LRP2: variants seen among roughly 807,000 people sequenced by gnomAD.
The protein encoded by LRP2 is low-density lipoprotein receptor-related protein 2.
LRP2 carries 172 observed loss-of-function variants against 531.0 expected under a neutral mutation model. The ratio of observed to expected loss-of-function variants is 0.32; its 90% CI spans 0.29 to 0.37. The LOEUF (loss-of-function observed/expected upper bound fraction) is 0.37. LRP2 is among the 10% of genes least tolerant of loss of function. The pLI is 1.00. For synonymous variants in LRP2, 1,992 were observed against 2,027.6 expected, an observed-to-expected ratio of 0.98 and a Z score of 0.47; for missense variants, 5,167 against 5,868.3, an observed-to-expected ratio of 0.88 and a Z score of 3.90.
intron 48 of LRP2, among the ~76,000 whole-genome samples, chr2:169,190,413 A>G (rs1045093816): frequency 2.6e-5 from 4 of 152,184 alleles, no homozygotes; most frequent in African/African-American, 9.7e-5. Flanking sequence ...GCATTTATCT[A>G]CTTTTTAAAT....
At position 169,220,329 on chromosome 2, in the gene LRP2, A is replaced by G. The variant is rs1256822191; in HGVS notation, c.5648+125T>C. On this transcript the variant is annotated intron_variant, in intron 34 of 78. Transcript: ENST00000649046. ...TTTCTCTTTCTCACTGAGATCTATT[A>G]TTTTTCAAATGTTGACATATGAAAT... is the stretch of plus-strand genomic sequence containing the variant. The G allele has an allele frequency of 5.4e-6, 4 of 740,472 alleles. No homozygotes were observed. In the East Asian group the frequency reaches 1.0e-4, roughly 19 times the overall value. The allele number at this position is 740,472 out of a possible 1,614,324, so 45.9% of individuals were successfully genotyped here.
chr2:169,281,363 A>G (rs1559055219), intron 10 of LRP2, among the ~76,000 whole-genome samples: 1 of 152,212 alleles, frequency 6.6e-6, no homozygotes, highest in Non-Finnish European at 1.5e-5. Flanking sequence ...CGGAGATTGC[A>G]GTGAGGCAAG....
chr2:169,272,909 C>T lies in LRP2; in HGVS notation c.2116+18G>A, dbSNP rs1404489898. 6.2e-7 allele frequency: 1 copy of T among 1,613,476 alleles called. No homozygotes were observed. Among genetic ancestry groups the T allele is most frequent in the Admixed American group, 1.7e-5 (1 of 59,972 alleles). ...CACCTGTGTCACCTGCCAACAACGT[C>T]CAAAACAGACTTCTTACCAATGCAG... On this transcript the variant is annotated intron_variant, in intron 15 of 78. Coordinates refer to ENST00000649046, the MANE Select transcript of LRP2 (RefSeq NM_004525.3).
intron 16 of LRP2, among the ~76,000 whole-genome samples, chr2:169,260,405 G>C (rs1690498028): frequency 6.6e-6 from 1 of 152,022 alleles, no homozygotes; most frequent in African/African-American, 2.4e-5. Flanking sequence ...AATGATAGAG[G>C]CTAAAAGAGA....
At chr2:169,257,749 G>C (rs777781129) in intron 17 of LRP2, among the ~76,000 whole-genome samples, 10 of 148,138 alleles carry the variant, frequency 6.8e-5, no homozygotes, top group Non-Finnish European at 3.0e-5. Flanking sequence ...AATGCAAACA[G>C]TATCTGACCC....
In LRP2 at chr2:169,239,623, A is replaced by G. The variant is rs1229516981; in HGVS notation, c.4198T>C (p.Cys1400Arg). ...CTCATATTGTAACAGTGCTGGCTAC[A>G]AGAGCCTAGAATATCACATTCATCT... ...DIDECDILGS[C>R]SQHCYNMRGS... Residue 1400 changes from cysteine to arginine, a missense_variant, in exon 26 of 79, where the codon TGT (cysteine) becomes CGT (arginine). Transcript: ENST00000649046. The G allele has an allele frequency of 6.2e-7, 1 of 1,614,036 alleles. No individual in the cohort carries two copies. The highest frequency in any genetic ancestry group is 8.5e-7 in the Non-Finnish European group (1 of 1,179,974).
At position 169,173,091 on chromosome 2, in the gene LRP2, C is replaced by G; in HGVS notation, c.11143+5G>C. On this transcript the variant is annotated splice_donor_5th_base_variant and intron_variant, in intron 57 of 78. Coordinates refer to ENST00000649046, the MANE Select transcript of LRP2 (RefSeq NM_004525.3). The stretch of plus-strand genomic sequence containing the variant: ...CTCCCTCCACTCCCCTGTGGCCCCT[C>G]CTACCACAGCCTTGCTCATCACTGT... 1.2e-6 allele frequency: 2 copies of G among 1,614,204 alleles called. No individual in the cohort carries two copies. The highest frequency in any genetic ancestry group is 1.7e-6 in the Non-Finnish European group (2 of 1,180,040).
chr2:169,158,212 C>CTATG (rs1219855358), intron 63 of LRP2, among the ~76,000 whole-genome samples: 1 of 151,860 alleles, frequency 6.6e-6, no homozygotes, highest in East Asian at 1.9e-4. Context: ...AAATTTTGTA[C>CTATG]TATGTATGTA....
At chr2:169,166,229 C>G (rs1686778116) in intron 61 of LRP2, among the ~76,000 whole-genome samples, 175 bp from the exon 62 acceptor site, 2 of 152,324 alleles carry the variant, frequency 1.3e-5, no homozygotes, top group South Asian at 4.1e-4. Flanking sequence ...AGGCACTGTG[C>G]TAGGCAGTAG....
chr2:169,279,374 A>G lies in LRP2; in HGVS notation c.1563T>C (p.Val521=). 6.2e-7 allele frequency: 1 copy of G among 1,612,108 alleles called. No individual in the cohort carries two copies. Among genetic ancestry groups the G allele is most frequent in the East Asian group, 2.2e-5 (1 of 44,856 alleles). Residue 521 remains valine (V), a splice_region_variant and synonymous_variant, in exon 12 of 79, where the codon GTT becomes GTC. Coordinates refer to ENST00000649046, the MANE Select transcript of LRP2 (RefSeq NM_004525.3). ...CAATATGTTTTCACATCACTTACCC[A>G]ACAGTTGGGTCCACGGCAATTCCTC... The part of the protein sequence containing the change: ...HPRGIAVDPT[V]GYLFFSDWES...
chr2:169,187,913 G>A, intron 49 of LRP2, 57 bp downstream of exon 49: 2 of 1,566,556 alleles, frequency 1.3e-6, no homozygotes, highest in Non-Finnish European at 1.8e-6. Flanking sequence ...GTGAAGGGTT[G>A]AGAATCCATA....
At chr2:169,161,672 C>T (rs975237433) in intron 63 of LRP2, among the ~76,000 whole-genome samples, 1 of 152,152 alleles carries the variant, frequency 6.6e-6, no homozygotes, top group African/African-American at 2.4e-5. Flanking sequence ...CGGAGTTTCG[C>T]CATGCTGCCC....
At chr2:169,353,889 G>GT (rs1215854276) in intron 1 of LRP2, among the ~76,000 whole-genome samples, 3 of 152,176 alleles carry the variant, frequency 2.0e-5, no homozygotes, top group Admixed American at 6.5e-5. Context: ...TTCTTGTGGG[G>GT]TTAAGCGGAG....
chr2:169,274,443 C>T (rs930780811), intron 14 of LRP2, among the ~76,000 whole-genome samples: 1 of 151,948 alleles, frequency 6.6e-6, no homozygotes, highest in Admixed American at 6.6e-5. Flanking sequence ...GAAAAAATCA[C>T]GTGGTAAAAT....
rs1204958942 is a variant in LRP2, at chr2:169,299,131, GAAAGAAAGAAAGAAAGAAAGAAAGAAAA to G, written c.428-4449_428-4422del. ...AGAAAGAAAGAAAGAAAGAAAGAAA[GAAAGAAAGAAAGAAAGAAAGAAAGAAAA>G]AAAGAAAGAAAGAAAAAGAAAGAAA... On this transcript the variant is annotated intron_variant, in intron 4 of 78. Coordinates refer to ENST00000649046, the MANE Select transcript of LRP2 (RefSeq NM_004525.3). 4.9e-4 allele frequency among the ~76,000 whole-genome samples: 35 copies of G among 72,128 alleles called. 3 individuals carry two copies. Among genetic ancestry groups the G allele is most frequent in the African/African-American group, 1.7e-3 (35 of 20,614 alleles). The allele number at this position is 72,128 out of a possible 152,430, so 47.3% of individuals were successfully genotyped here. A position where few individuals can be genotyped will look rare whatever the true frequency, so the allele number is the denominator to read the frequency against.
At chr2:169,187,293 C>G (rs1687667606) in intron 49 of LRP2, among the ~76,000 whole-genome samples, 1 of 152,132 alleles carries the variant, frequency 6.6e-6, no homozygotes, top group African/African-American at 2.4e-5. Flanking sequence ...AACTACATTA[C>G]ATACTTCTGG....
chr2:169,269,286 G>A (rs1031795884), intron 16 of LRP2, among the ~76,000 whole-genome samples: 10 of 152,218 alleles, frequency 6.6e-5, no homozygotes, highest in African/African-American at 9.6e-5. Flanking sequence ...AAAAGAGCCT[G>A]CATTGCCAAG....
chr2:169,297,319 A>T (rs1034862796), intron 4 of LRP2, among the ~76,000 whole-genome samples: 2 of 152,162 alleles, frequency 1.3e-5, no homozygotes, highest in African/African-American at 4.8e-5. Flanking sequence ...TTGCTTGGCA[A>T]GCCTAAGTCT....
intron 25 of LRP2, 80 bp from the exon 26 acceptor site, chr2:169,239,855 T>C (rs1689741014): frequency 7.9e-7 from 1 of 1,259,658 alleles, no homozygotes; most frequent in Non-Finnish European, 1.2e-6. Context: ...CAATATTTAT[T>C]ATGCAGTCTC....
Sources: allele counts gnomAD v4.1 joint callset (sites outside exome capture counted in the v4.1 genomes callset), GRCh38; gene constraint gnomAD v4.1.1; transcripts MANE v1.5; gene names NCBI Gene and HGNC (gene_info 2026-07-23, HGNC 2026-07-21).